Variants in WNK3 observed in about 807,000 individuals in gnomAD.
WNK3 encodes serine/threonine-protein kinase WNK3.
A neutral mutation model predicts 116.7 loss-of-function variants in WNK3; 18 were observed. The observed-to-expected ratio is 0.15, with a 90% CI of 0.11 to 0.23. The LOEUF (loss-of-function observed/expected upper bound fraction) is 0.23. Ranked by LOEUF, WNK3 falls within the 10% of genes least tolerant of loss-of-function variation. The pLI is 1.00. For missense variants in WNK3, 993 were observed against 1,323.8 expected (o/e 0.75, Z 3.88); for synonymous variants, 404 against 469.4 (o/e 0.86, Z 1.80).
intron 2 of WNK3, among the ~76,000 whole-genome samples, chrX:54,314,733 A>C (rs1455867157): frequency 9.0e-6 from 1 of 111,597 alleles, no homozygotes; most frequent in African/African-American, 3.3e-5. Flanking sequence ...TTTGCGCCAC[A>C]CTGCGCCACA....
intron 7 of WNK3, among the ~76,000 whole-genome samples, chrX:54,295,715 TCTCA>T (rs1557166197): frequency 9.1e-6 from 1 of 109,586 alleles, no homozygotes; most frequent in Non-Finnish European, 1.9e-5. Flanking sequence ...AGAGACAGGT[TCTCA>T]CTCTGTTGCC....
intron 10 of WNK3, among the ~76,000 whole-genome samples, chrX:54,280,122 C>A (rs2147062157): frequency 9.0e-6 from 1 of 111,435 alleles, no homozygotes; most frequent in South Asian, 3.8e-4. Context: ...GATGGTGAAA[C>A]CCTGTCTCTC....
At chrX:54,293,257 G>C in exon 9 of WNK3, 1 of 1,210,025 alleles carries the variant, frequency 8.3e-7, no homozygotes, top group Non-Finnish European at 1.1e-6. Flanking sequence ...TTGAGGAATA[G>C]GCTACACTGG....
chrX:54,331,947 G>A (rs1451638704), intron 2 of WNK3, among the ~76,000 whole-genome samples: 11 of 111,441 alleles, frequency 9.9e-5, no homozygotes, highest in Non-Finnish European at 2.1e-4. Flanking sequence ...CTACACTCAC[G>A]GAGACCACTG....
chrX:54,355,904 C>T (rs1021062816), intron 1 of WNK3, among the ~76,000 whole-genome samples: 11 of 111,502 alleles, frequency 9.9e-5, no homozygotes, highest in Non-Finnish European at 1.9e-4. Context: ...CTATTTAATA[C>T]ATTAAGTATT....
chrX:54,273,658 C>T (rs2068409716), intron 10 of WNK3, among the ~76,000 whole-genome samples: 1 of 112,085 alleles, frequency 8.9e-6, no homozygotes, highest in African/African-American at 3.2e-5. Context: ...ACCAATAGAT[C>T]ACATCCATGG....
chrX:54,346,317 G>A (rs1252524578), intron 1 of WNK3, among the ~76,000 whole-genome samples: 1 of 103,383 alleles, frequency 9.7e-6, no homozygotes, highest in Non-Finnish European at 2.0e-5. Flanking sequence ...CACAGGCTCG[G>A]TCGGCCGGGA....
intron 1 of WNK3, among the ~76,000 whole-genome samples, chrX:54,339,861 T>A (rs1284020948): frequency 9.0e-6 from 1 of 111,398 alleles, no homozygotes; most frequent in African/African-American, 3.3e-5. Flanking sequence ...AAAGAGAAAA[T>A]TAAGAAGCTG....
intron 2 of WNK3, among the ~76,000 whole-genome samples, chrX:54,315,454 G>A (rs782561609): frequency 9.0e-6 from 1 of 111,076 alleles, no homozygotes; most frequent in Admixed American, 9.7e-5. Context: ...ACATATGTTA[G>A]TTACATAGAT....
chrX:54,232,653 G>A, intron 21 of WNK3, 156 bp downstream of exon 21: 1 of 473,369 alleles, frequency 2.1e-6, no homozygotes. Context: ...TACATAAAAG[G>A]ACATTTAACA....
chrX:54,323,781 T>C (rs922930212), intron 2 of WNK3, among the ~76,000 whole-genome samples: 31 of 111,411 alleles, frequency 2.8e-4, no homozygotes, highest in Admixed American at 9.6e-4. Flanking sequence ...CTGTAAGCTT[T>C]GTGAAAATGA....
chrX:54,200,655 C>T lies in WNK3; in HGVS notation c.5073+1336G>A, dbSNP rs781948662. ...ATTGGAACCCAAGTCTGTTAAATGA[C>T]GTTCACTACTTTTATTCACACACCA... On this transcript the variant is annotated intron_variant, in intron 23 of 23. Transcript: ENST00000354646. 9.9e-5 allele frequency among the ~76,000 whole-genome samples: 11 copies of T among 111,405 alleles called. No homozygotes were observed. The East Asian group carries it at 2.5e-3, about 26-fold the overall frequency.
At chrX:54,271,552 AAT>A (rs1298369962) in intron 10 of WNK3, among the ~76,000 whole-genome samples, 5 of 112,495 alleles carry the variant, frequency 4.4e-5, no homozygotes, top group Non-Finnish European at 9.4e-5. Flanking sequence ...TACTAAAACC[AAT>A]AGTTAATATT....
At chrX:54,220,692 T>C (rs1394940673) in intron 22 of WNK3, among the ~76,000 whole-genome samples, 1 of 112,287 alleles carries the variant, frequency 8.9e-6, no homozygotes, top group Non-Finnish European at 1.9e-5. Flanking sequence ...TAAAACTTTA[T>C]TAATAGACTT....
intron 1 of WNK3, among the ~76,000 whole-genome samples, chrX:54,347,389 G>C (rs1347458764): frequency 9.0e-6 from 1 of 111,699 alleles, no homozygotes; most frequent in Non-Finnish European, 1.9e-5. Flanking sequence ...AGGAGGCTGA[G>C]GCAGGAGAAT....
intron 17 of WNK3, among the ~76,000 whole-genome samples, chrX:54,244,093 T>C (rs1315112149): frequency 1.8e-5 from 2 of 111,845 alleles, no homozygotes; most frequent in African/African-American, 6.5e-5. Flanking sequence ...GAATGAATAA[T>C]GACTGCTTAA....
chrX:54,224,039 C>A, intron 22 of WNK3: 1 of 126,824 alleles, frequency 7.9e-6, no homozygotes. Context: ...CATTGCCAAG[C>A]TGGAAAAGGC....
At chrX:54,354,730 T>C in intron 1 of WNK3, among the ~76,000 whole-genome samples, 1 of 111,697 alleles carries the variant, frequency 9.0e-6, no homozygotes, top group South Asian at 3.7e-4. Context: ...TTAAATATGC[T>C]AATAAGTATT....
At chrX:54,267,031 T>C (rs1274462806) in intron 10 of WNK3, among the ~76,000 whole-genome samples, 6 of 110,884 alleles carry the variant, frequency 5.4e-5, no homozygotes, top group Non-Finnish European at 5.7e-5. Flanking sequence ...TTGAGGATGA[T>C]GGTTTCCAGC....
Sources: gnomAD v4.1 joint callset for allele counts (sites outside exome capture counted in the v4.1 genomes callset) on GRCh38, gnomAD v4.1.1 for gene constraint, MANE v1.5 for transcripts, NCBI Gene and HGNC (gene_info 2026-07-23, HGNC 2026-07-21) for gene names.